The following SNX29 variants were observed in gnomAD, a reference collection of about 807,000 sequenced individuals.
The protein encoded by SNX29 is sorting nexin 29, also known as sorting nexin-29.
A neutral mutation model predicts 102.1 loss-of-function variants in SNX29; 78 were observed. The observed-to-expected ratio is 0.76, with a 90% CI of 0.64 to 0.92. SNX29 has a LOEUF of 0.92. SNX29 is among the 40% of genes least tolerant of loss of function. SNX29 has a pLI of 0.00. For synonymous variants in SNX29, 580 were observed against 414.5 expected, an observed-to-expected ratio of 1.40 and a Z score of -4.85; for missense variants, 1,280 against 1,061.7, an observed-to-expected ratio of 1.21 and a Z score of -2.86.
chr16:12,249,313 C>T (rs1313169466), intron 14 of SNX29, among the ~76,000 whole-genome samples: 3 of 152,232 alleles, frequency 2.0e-5, no homozygotes, highest in African/African-American at 7.2e-5. Flanking sequence ...TGCATCCCCA[C>T]ATGGCTGGCT....
chr16:12,145,553 A>G (rs948437057), intron 13 of SNX29, among the ~76,000 whole-genome samples: 1 of 152,206 alleles, frequency 6.6e-6, no homozygotes, highest in Non-Finnish European at 1.5e-5. Context: ...AAGTCCGGGA[A>G]TACCAGAAAA....
intron 19 of SNX29, chr16:12,515,661 T>G (rs981826261): frequency 1.4e-4 from 66 of 481,946 alleles, no homozygotes; most frequent in African/African-American, 1.3e-3. Flanking sequence ...TCCATCTCTG[T>G]GCCAGCACTC....
intron 20 of SNX29, among the ~76,000 whole-genome samples, chr16:12,559,019 A>G (rs1370742378): frequency 6.6e-6 from 1 of 152,174 alleles, no homozygotes; most frequent in African/African-American, 2.4e-5. Flanking sequence ...GAGAGACAAA[A>G]GACTCCTTTT....
chr16:12,322,589 G>A (rs750719833), intron 15 of SNX29, among the ~76,000 whole-genome samples: 2 of 152,170 alleles, frequency 1.3e-5, no homozygotes, highest in Non-Finnish European at 2.9e-5. Context: ...CTAAGGTGGA[G>A]TTCTAATACT....
intron 4 of SNX29, 125 bp from the exon 5 acceptor site, chr16:12,042,772 A>T (rs2049935205): frequency 2.1e-6 from 2 of 960,776 alleles, no homozygotes; most frequent in African/African-American, 3.3e-5. Flanking sequence ...GTTATCTCCT[A>T]CCTTTTCCAT....
intron 14 of SNX29, among the ~76,000 whole-genome samples, chr16:12,252,592 G>A (rs576598630): frequency 2.6e-5 from 4 of 152,184 alleles, no homozygotes; most frequent in Non-Finnish European, 5.9e-5. Context: ...CTCCCTGAAC[G>A]TGTGTGCATT....
At chr16:12,204,690 TAA>T (rs1174007746) in intron 14 of SNX29, among the ~76,000 whole-genome samples, 1 of 152,178 alleles carries the variant, frequency 6.6e-6, no homozygotes, top group Admixed American at 6.5e-5. Context: ...GGGAGCAATT[TAA>T]AAAGTTTGTT....
intron 14 of SNX29, among the ~76,000 whole-genome samples, chr16:12,223,481 G>C (rs2077531168): frequency 6.6e-6 from 1 of 152,202 alleles, no homozygotes; most frequent in Non-Finnish European, 1.5e-5. Context: ...GGCCAACATG[G>C]TGAAACCCTG....
At chr16:12,165,017 T>A (rs2055953576) in intron 13 of SNX29, among the ~76,000 whole-genome samples, 1 of 152,196 alleles carries the variant, frequency 6.6e-6, no homozygotes. Context: ...TCACTTCTCC[T>A]GTGGCTGTTC....
chr16:12,163,167 C>T (rs752846109), intron 13 of SNX29, among the ~76,000 whole-genome samples: 1 of 152,208 alleles, frequency 6.6e-6, no homozygotes, highest in Non-Finnish European at 1.5e-5. Context: ...CAGGCGTGAG[C>T]CACTGCGTCT....
chr16:12,397,922 C>T (rs1475910690), intron 16 of SNX29, among the ~76,000 whole-genome samples: 2 of 152,154 alleles, frequency 1.3e-5, no homozygotes, highest in Non-Finnish European at 2.9e-5. Context: ...GTTTCTCTCC[C>T]CTAGTCATCA....
intron 13 of SNX29, among the ~76,000 whole-genome samples, chr16:12,180,529 G>A (rs2076358752): frequency 6.6e-6 from 1 of 151,820 alleles, no homozygotes; most frequent in African/African-American, 2.4e-5. Context: ...TGTCGCCCAG[G>A]CTGGAGTGCA....
At chr16:12,004,389 G>T (rs1452574336) in intron 3 of SNX29, among the ~76,000 whole-genome samples, 1 of 151,980 alleles carries the variant, frequency 6.6e-6, no homozygotes, top group East Asian at 1.9e-4. Flanking sequence ...TCACGACCCA[G>T]GAAAGGCTGA....
chr16:12,315,355 C>T (rs1028305159), intron 15 of SNX29, among the ~76,000 whole-genome samples: 14 of 152,178 alleles, frequency 9.2e-5, no homozygotes, highest in South Asian at 6.2e-4. Flanking sequence ...GTGGATCTAA[C>T]GCCTCTGCTT....
intron 14 of SNX29, among the ~76,000 whole-genome samples, chr16:12,202,679 TAAAAG>T (rs1468654108): frequency 1.3e-5 from 2 of 152,146 alleles, no homozygotes; most frequent in African/African-American, 2.4e-5. Flanking sequence ...GGAAATCACT[TAAAAG>T]AGGAGGCGAT....
At chr16:12,539,083 AG>A (rs759685521) in intron 20 of SNX29, among the ~76,000 whole-genome samples, 2 of 152,214 alleles carry the variant, frequency 1.3e-5, no homozygotes, top group Non-Finnish European at 2.9e-5. Flanking sequence ...CAAGTTTAAT[AG>A]ATTGCCCAGA....
intron 20 of SNX29, chr16:12,545,737 T>G (rs1400253037): frequency 1.3e-5 from 2 of 152,196 alleles, no homozygotes; most frequent in Non-Finnish European, 2.9e-5. Flanking sequence ...CATGAAGCCT[T>G]CAGATTTTAA....
At chr16:12,273,967 C>T (rs1473225673) in intron 14 of SNX29, among the ~76,000 whole-genome samples, 2 of 152,200 alleles carry the variant, frequency 1.3e-5, no homozygotes, top group East Asian at 3.8e-4. Flanking sequence ...TAGACCGCAT[C>T]TTGTTCACTT....
At chr16:12,272,432 G>A (rs913667215) in intron 14 of SNX29, among the ~76,000 whole-genome samples, 2 of 152,226 alleles carry the variant, frequency 1.3e-5, no homozygotes, top group African/African-American at 4.8e-5. Context: ...TTTTGCGTAT[G>A]TATTAGCACC....
Sources: allele counts gnomAD v4.1 joint callset (sites outside exome capture counted in the v4.1 genomes callset), GRCh38; gene constraint gnomAD v4.1.1; transcripts MANE v1.5; gene names NCBI Gene and HGNC (gene_info 2026-07-23, HGNC 2026-07-21).